Variants in MEI4 observed in about 807,000 individuals in gnomAD.
MEI4 encodes meiotic double-stranded break formation protein 4, also known as meiosis-specific protein MEI4.
In MEI4, 27 loss-of-function variants were observed where a neutral mutation model predicts 31.4. That is an observed-to-expected ratio of 0.86 (90% CI 0.63 to 1.19). The LOEUF (loss-of-function observed/expected upper bound fraction) is 1.19. MEI4 is among the 50% of genes most tolerant of loss of function. MEI4 has a pLI of 0.00. For missense variants in MEI4, 329 were observed against 398.9 expected (o/e 0.82, Z 1.49); for synonymous variants, 122 against 145.4 (o/e 0.84, Z 1.16).
chr6:77,827,360 TAAA>T (rs57446339), intron 3 of MEI4, among the ~76,000 whole-genome samples: 7,583 of 67,734 alleles, frequency 0.11, 309 homozygotes, highest in South Asian at 0.21. Flanking sequence ...GACTCCATCT[TAAA>T]AAAAAAAAAA....
At chr6:77,772,022 A>G (rs1768330798) in intron 3 of MEI4, among the ~76,000 whole-genome samples, 1 of 152,036 alleles carries the variant, frequency 6.6e-6, no homozygotes, top group Non-Finnish European at 1.5e-5. Flanking sequence ...TTTTGTGACT[A>G]TCATAAAATA....
intron 2 of MEI4, among the ~76,000 whole-genome samples, chr6:77,735,751 C>A (rs985358834): frequency 3.9e-5 from 6 of 151,950 alleles, no homozygotes; most frequent in African/African-American, 9.7e-5. Flanking sequence ...TGTTTTTTCC[C>A]CATCTTTGTG....
At chr6:77,854,905 A>G (rs1582218608) in intron 4 of MEI4, among the ~76,000 whole-genome samples, 1 of 146,114 alleles carries the variant, frequency 6.8e-6, no homozygotes, top group South Asian at 2.1e-4. Context: ...TAAAATGAAA[A>G]CCTCACTGGT....
Position 77,924,037 on chromosome 6 carries a change from TGTTAAATA to T in MEI4, c.*694_*701del, listed in dbSNP as rs1766782569. 1 of 151,730 alleles carries T rather than the reference TGTTAAATA, an allele frequency of 6.6e-6. No individual in the cohort carries two copies. Among genetic ancestry groups the T allele is most frequent in the Non-Finnish European group, 1.5e-5 (1 of 67,820 alleles). 9.4% of individuals were successfully genotyped at this position (151,730 alleles called of 1,614,324 possible). A position where few individuals can be genotyped will look rare whatever the true frequency, so the allele number is the denominator to read the frequency against. ...AAATATGTTATAATAGTCTTGTAATTGTTAAATAGTATACAATTAAGTCACTAGACATA... is the reference window on the plus strand; with the variant it reads ...AAATATGTTATAATAGTCTTGTAATTGTATACAATTAAGTCACTAGACATA... On this transcript the variant is annotated 3_prime_UTR_variant, in exon 5 of 5. Coordinates refer to ENST00000684080, the MANE Select transcript of MEI4 (RefSeq NM_001322247.2).
chr6:77,914,466 TA>T (rs1269055156), intron 4 of MEI4, among the ~76,000 whole-genome samples: 3 of 149,688 alleles, frequency 2.0e-5, no homozygotes, highest in East Asian at 4.4e-4. Flanking sequence ...TACTTAATAC[TA>T]ATTTTTTTTT....
intron 4 of MEI4, among the ~76,000 whole-genome samples, chr6:77,915,085 C>T (rs866346069): frequency 6.6e-6 from 1 of 151,996 alleles, no homozygotes; most frequent in African/African-American, 2.4e-5. Context: ...TGGCTTATTC[C>T]TGCCATTTTA....
At chr6:77,800,152 G>A (rs974574874) in intron 3 of MEI4, among the ~76,000 whole-genome samples, 1 of 152,032 alleles carries the variant, frequency 6.6e-6, no homozygotes, top group Non-Finnish European at 1.5e-5. Context: ...CCATTTCTTT[G>A]TATCCTCTTT....
At chr6:77,758,682 C>T (rs1767970507) in intron 2 of MEI4, among the ~76,000 whole-genome samples, 1 of 152,148 alleles carries the variant, frequency 6.6e-6, no homozygotes, top group Admixed American at 6.6e-5. Context: ...CATTACAGAT[C>T]CCAGCCCATC....
At chr6:77,776,769 G>A (rs532652293) in intron 3 of MEI4, among the ~76,000 whole-genome samples, 1 of 152,204 alleles carries the variant, frequency 6.6e-6, no homozygotes, top group African/African-American at 2.4e-5. Context: ...GTTGGAATTG[G>A]GTTTTCTGCA....
chr6:77,870,166 A>G (rs988677480), intron 4 of MEI4, among the ~76,000 whole-genome samples: 1 of 152,226 alleles, frequency 6.6e-6, no homozygotes, highest in Admixed American at 6.5e-5. Context: ...CATGCAATAG[A>G]AAATGTACTT....
chr6:77,860,293 G>T (rs986699588), intron 4 of MEI4, among the ~76,000 whole-genome samples: 2 of 152,142 alleles, frequency 1.3e-5, no homozygotes, highest in Admixed American at 1.3e-4. Context: ...CAGAAGAGGG[G>T]AGTTGATAGC....
At chr6:77,806,867 C>G (rs9352530) in intron 3 of MEI4, among the ~76,000 whole-genome samples, 20,942 of 152,064 alleles carry the variant, frequency 0.14, 1,536 homozygotes, top group Middle Eastern at 0.21. Context: ...ACATCTACAC[C>G]CATGTGTTTA....
chr6:77,903,495 A>T (rs1043750798), intron 4 of MEI4, among the ~76,000 whole-genome samples: 1 of 152,164 alleles, frequency 6.6e-6, no homozygotes, highest in Non-Finnish European at 1.5e-5. Flanking sequence ...ACACATTTTG[A>T]ACTCACAATA....
At chr6:77,740,250 G>A (rs991785796) in intron 2 of MEI4, among the ~76,000 whole-genome samples, 1 of 152,312 alleles carries the variant, frequency 6.6e-6, no homozygotes, top group East Asian at 1.9e-4. Flanking sequence ...TATGTGCCAT[G>A]TGGTGGCACA....
At chr6:77,895,591 A>C (rs1403089235) in intron 4 of MEI4, among the ~76,000 whole-genome samples, 3 of 152,048 alleles carry the variant, frequency 2.0e-5, no homozygotes, top group African/African-American at 4.8e-5. Flanking sequence ...TTCCCTTTAG[A>C]GTTCTTTTAT....
chr6:77,844,087 G>C (rs886635100), intron 4 of MEI4, among the ~76,000 whole-genome samples: 10 of 152,186 alleles, frequency 6.6e-5, no homozygotes, highest in Non-Finnish European at 1.3e-4. Context: ...TTTATGAGTA[G>C]TCTTCAAACA....
At chr6:77,828,341 G>C (rs1313165316) in intron 3 of MEI4, among the ~76,000 whole-genome samples, 1 of 151,038 alleles carries the variant, frequency 6.6e-6, no homozygotes, top group African/African-American at 2.4e-5. Flanking sequence ...ATTACCTCCT[G>C]AGCTTCCCCT....
intron 3 of MEI4, among the ~76,000 whole-genome samples, chr6:77,805,378 C>T (rs1044920889): frequency 2.6e-5 from 4 of 152,024 alleles, no homozygotes; most frequent in Non-Finnish European, 5.9e-5. Context: ...TTTGATAATA[C>T]TGTGTTCATT....
At chr6:77,792,543 A>T (rs1387187447) in intron 3 of MEI4, among the ~76,000 whole-genome samples, 1 of 152,160 alleles carries the variant, frequency 6.6e-6, no homozygotes, top group Non-Finnish European at 1.5e-5. Context: ...ATACAAAAAA[A>T]TATTGCTCGG....
Sources: allele counts gnomAD v4.1 joint callset (sites outside exome capture counted in the v4.1 genomes callset), GRCh38; gene constraint gnomAD v4.1.1; transcripts MANE v1.5; gene names NCBI Gene and HGNC (gene_info 2026-07-23, HGNC 2026-07-21).